MED14: variants seen among roughly 807,000 people sequenced by gnomAD.
MED14 encodes the protein mediator of RNA polymerase II transcription subunit 14.
Under a neutral mutation model 109.0 loss-of-function variants are expected in MED14, and 8 were observed. That is an observed-to-expected ratio of 0.07 (90% CI 0.04 to 0.13). The LOEUF (loss-of-function observed/expected upper bound fraction) is 0.13. Ranked by LOEUF, MED14 falls within the 10% of genes least tolerant of loss-of-function variation. The pLI is 1.00. For missense variants in MED14, 711 were observed against 1,142.4 expected (o/e 0.62, Z 5.44); for synonymous variants, 399 against 408.7 (o/e 0.98, Z 0.29).
At position 40,696,387 on chromosome X, in the gene MED14, G is replaced by A. The variant is rs763384805; in HGVS notation, c.1650+637C>T. On this transcript the variant is annotated intron_variant, in intron 13 of 30. Coordinates refer to ENST00000324817, the MANE Select transcript of MED14 (RefSeq NM_004229.4). Reference sequence around the variant, plus strand: ...AATCTCCTGACCTCGTGATCCACCCGCCTCAGCCTCCCAAGTGCTAGGATT... The same window carrying A: ...AATCTCCTGACCTCGTGATCCACCCACCTCAGCCTCCCAAGTGCTAGGATT... 6.3e-5 allele frequency among the ~76,000 whole-genome samples: 7 copies of A among 110,476 alleles called. No homozygotes were observed. In the East Asian group the frequency reaches 1.4e-3, roughly 22 times the overall value.
intron 26 of MED14, among the ~76,000 whole-genome samples, chrX:40,660,546 G>A (rs1310999254): frequency 8.9e-6 from 1 of 112,010 alleles, no homozygotes; most frequent in African/African-American, 3.2e-5. Flanking sequence ...AGCAGCTATA[G>A]ACAATAAATA....
chrX:40,734,036 T>A (rs1197347538), intron 1 of MED14, among the ~76,000 whole-genome samples: 1 of 112,261 alleles, frequency 8.9e-6, no homozygotes, highest in Non-Finnish European at 1.9e-5. Context: ...AAATCCCCTA[T>A]GGAAAAGCAA....
chrX:40,661,230 C>T (rs1929258159), intron 26 of MED14, among the ~76,000 whole-genome samples: 2 of 112,564 alleles, frequency 1.8e-5, no homozygotes, highest in African/African-American at 6.5e-5. Context: ...TACAGGCGTG[C>T]ACCATCACAC....
intron 1 of MED14, among the ~76,000 whole-genome samples, chrX:40,730,049 C>A (rs1036147937): frequency 1.8e-5 from 2 of 111,897 alleles, no homozygotes; most frequent in African/African-American, 6.5e-5. Context: ...TAACCTCTAT[C>A]CCACAGTCCA....
At chrX:40,667,000 A>G (rs1453910361) in intron 23 of MED14, 149 bp from the exon 24 acceptor site, 2 of 476,142 alleles carry the variant, frequency 4.2e-6, no homozygotes, top group Non-Finnish European at 6.7e-6. Flanking sequence ...GCACGATTTC[A>G]TTATTGAAAG....
intron 2 of MED14, among the ~76,000 whole-genome samples, chrX:40,729,116 T>C (rs986786342): frequency 1.8e-5 from 2 of 111,665 alleles, no homozygotes; most frequent in Admixed American, 9.5e-5. Context: ...ACAGAAGATT[T>C]AGAACTGGTC....
chrX:40,681,709 A>G (rs1422952435), intron 19 of MED14, 143 bp downstream of exon 19: 2 of 386,020 alleles, frequency 5.2e-6, no homozygotes, highest in African/African-American at 5.2e-5. Flanking sequence ...CTATATTTAT[A>G]GCCACAAAGC....
intron 23 of MED14, 24 bp downstream of exon 23, chrX:40,671,837 A>G (rs759858437): frequency 1.4e-5 from 15 of 1,058,875 alleles, no homozygotes; most frequent in Non-Finnish European, 1.8e-5. Flanking sequence ...GTTGAACATG[A>G]CAAGAGAATA....
chrX:40,659,728 C>T (rs907054515), intron 26 of MED14, 121 bp from the exon 27 acceptor site: 8 of 586,332 alleles, frequency 1.4e-5, no homozygotes, highest in Admixed American at 4.1e-5. Flanking sequence ...AAGGCACCTA[C>T]AGCATTGAGC....
rs369888529 is a variant in MED14 at position 40,682,893 on chromosome X, C to T, written c.2161G>A (p.Val721Ile). The T allele has an allele frequency of 1.7e-6, 2 of 1,211,595 alleles. No homozygotes were observed. The highest frequency in any genetic ancestry group is 2.2e-6 in the Non-Finnish European group (2 of 895,195). Residue 721 changes from valine to isoleucine, a missense_variant, in exon 17 of 31, where the codon GTA becomes ATA. Physicochemically the swap from Val to Ile is conservative, Grantham distance 29 (BLOSUM62 3). This residue lies in a region of MED14 where 388 missense variants were observed against 517.3 expected (regional missense o/e 0.75). Coordinates refer to ENST00000324817, the MANE Select transcript of MED14 (RefSeq NM_004229.4). ...RLQGRNNRTW[V>I]AELVFANCPL... ...CAATTTGCAAACACTAACTCTGCTACCCAAGTGCGGTTATTTCTACCTTGT... is the reference window on the plus strand; with the variant it reads ...CAATTTGCAAACACTAACTCTGCTATCCAAGTGCGGTTATTTCTACCTTGT...
intron 28 of MED14, among the ~76,000 whole-genome samples, chrX:40,657,983 G>A (rs1929119093): frequency 9.1e-6 from 1 of 109,924 alleles, no homozygotes; most frequent in South Asian, 3.9e-4. Context: ...TAGTAGAGAC[G>A]AGGTTTCACC....
At chrX:40,659,841 TAAAA>T (rs1929197672) in intron 26 of MED14, 1 of 289,588 alleles carries the variant, frequency 3.5e-6, no homozygotes, top group Admixed American at 6.1e-5. Context: ...CAAAACAACA[TAAAA>T]AAACTTGAGC....
At chrX:40,713,429 G>C (rs937040187) in intron 5 of MED14, among the ~76,000 whole-genome samples, 5 of 111,743 alleles carry the variant, frequency 4.5e-5, no homozygotes, top group African/African-American at 1.6e-4. Flanking sequence ...ATTTTTCCTT[G>C]AATAAAACCC....
intron 12 of MED14, 98 bp from the exon 13 acceptor site, chrX:40,697,281 T>C: frequency 4.0e-6 from 2 of 498,567 alleles, no homozygotes; most frequent in Non-Finnish European, 6.5e-6. Context: ...AAAAAAACAA[T>C]TAATTGAAAT....
chrX:40,688,642 C>A, intron 15 of MED14, 112 bp from the exon 16 acceptor site: 1 of 501,529 alleles, frequency 2.0e-6, no homozygotes. Flanking sequence ...CATCCTTTCC[C>A]CAAGTTACAA....
At chrX:40,663,322 A>G (rs1929356087) in intron 25 of MED14, among the ~76,000 whole-genome samples, 162 bp from the exon 26 acceptor site, 1 of 111,999 alleles carries the variant, frequency 8.9e-6, no homozygotes, top group Admixed American at 9.5e-5. Flanking sequence ...GTTAGCAAAA[A>G]TGGCCACTAT....
intron 12 of MED14, among the ~76,000 whole-genome samples, chrX:40,699,304 G>A (rs933251929): frequency 1.8e-5 from 2 of 112,213 alleles, no homozygotes; most frequent in African/African-American, 3.2e-5. Context: ...TGTCCTACAC[G>A]TTCTAAAAGT....
At chrX:40,669,265 T>A (rs1341725110) in intron 23 of MED14, among the ~76,000 whole-genome samples, 1 of 111,713 alleles carries the variant, frequency 9.0e-6, no homozygotes. Context: ...TCCTACTATA[T>A]AAAAACAATG....
rs544159681 is a variant in MED14, at chrX:40,694,576, C to T, written c.1651-1674G>A. Among the ~76,000 whole-genome samples the T allele has an allele frequency of 4.5e-5, 5 of 111,466 alleles. No homozygotes were observed. The South Asian group carries it at 1.5e-3, about 34-fold the overall frequency. ...CAAATGGCCATTTCACCAAAGAAGA[C>T]AGGATGAGCACACGAAAATATGCTC... On this transcript the variant is annotated intron_variant, in intron 13 of 30. Coordinates refer to ENST00000324817, the MANE Select transcript of MED14 (RefSeq NM_004229.4).
Sources: gnomAD v4.1 joint callset for allele counts (sites outside exome capture counted in the v4.1 genomes callset) on GRCh38, gnomAD v4.1.1 for gene constraint, gnomAD v4.1.1 regional missense constraint, MANE v1.5 for transcripts, NCBI Gene and HGNC (gene_info 2026-07-23, HGNC 2026-07-21) for gene names.